The following PPARD variants were observed in gnomAD, a reference collection of about 807,000 sequenced individuals.
The protein encoded by PPARD is peroxisome proliferator activated receptor delta, also known as peroxisome proliferator-activated receptor delta.
In PPARD, 6 loss-of-function variants were observed where a neutral mutation model predicts 39.5. That is an observed-to-expected ratio of 0.15 (90% CI 0.08 to 0.30). The LOEUF is 0.30. PPARD is among the 10% of genes least tolerant of loss of function. The pLI, the probability that PPARD is intolerant of heterozygous loss-of-function variation, is 1.00. For synonymous variants in PPARD, 210 were observed against 231.3 expected (o/e 0.91, Z 0.83); for missense variants, 397 against 596.8 (o/e 0.67, Z 3.49).
chr6:35,419,763 CTCTG>C (rs1319754009), intron 3 of PPARD, among the ~76,000 whole-genome samples: 2 of 152,166 alleles, frequency 1.3e-5, no homozygotes, highest in Admixed American at 1.3e-4. Flanking sequence ...GGCTAAGACC[CTCTG>C]TCTGCTTTCT....
chr6:35,354,071 AAAT>A (rs1761415336), intron 2 of PPARD, among the ~76,000 whole-genome samples: 5 of 151,722 alleles, frequency 3.3e-5, no homozygotes, highest in Admixed American at 3.3e-4. Context: ...TCTCTACTAA[AAAT>A]ACAAAAAATT....
At chr6:35,408,505 T>C (rs765854871) in intron 2 of PPARD, among the ~76,000 whole-genome samples, 6 of 152,196 alleles carry the variant, frequency 3.9e-5, no homozygotes, top group Non-Finnish European at 7.3e-5. Flanking sequence ...GCTTCTCAAG[T>C]TTAACACCCA....
intron 2 of PPARD, among the ~76,000 whole-genome samples, chr6:35,393,140 G>A (rs1165482953): frequency 6.6e-6 from 1 of 152,174 alleles, no homozygotes; most frequent in African/African-American, 2.4e-5. Context: ...TGCTGTATGG[G>A]CCCTGTGGGG....
chr6:35,383,820 A>C (rs1393085812), intron 2 of PPARD, among the ~76,000 whole-genome samples: 1 of 134,572 alleles, frequency 7.4e-6, no homozygotes, highest in African/African-American at 3.1e-5. Context: ...AAGTGAGGAG[A>C]CCCTCCACCC....
intron 1 of PPARD, among the ~76,000 whole-genome samples, chr6:35,346,592 T>G (rs1292067776): frequency 6.6e-6 from 1 of 152,212 alleles, no homozygotes; most frequent in Non-Finnish European, 1.5e-5. Flanking sequence ...GGAGCTTGCC[T>G]TGAGCCTGGC....
intron 3 of PPARD, among the ~76,000 whole-genome samples, chr6:35,415,752 G>T (rs1038929362): frequency 6.8e-6 from 1 of 146,048 alleles, no homozygotes; most frequent in Non-Finnish European, 1.5e-5. Flanking sequence ...CACTGTATTA[G>T]TCAGGGTTCT....
intron 2 of PPARD, among the ~76,000 whole-genome samples, chr6:35,399,388 A>AG (rs1396036479): frequency 1.9e-5 from 2 of 106,498 alleles, no homozygotes. Context: ...CGACAAAGTG[A>AG]GACTCTGTCT....
intron 1 of PPARD, among the ~76,000 whole-genome samples, chr6:35,346,121 T>C (rs1792168909): frequency 6.6e-6 from 1 of 152,098 alleles, no homozygotes; most frequent in Non-Finnish European, 1.5e-5. Flanking sequence ...CCTCGTGATC[T>C]GCCCGCCTCA....
chr6:35,356,755 C>G (rs1253914621), intron 2 of PPARD, among the ~76,000 whole-genome samples: 1 of 152,198 alleles, frequency 6.6e-6, no homozygotes, highest in Admixed American at 6.5e-5. Context: ...GGCAAAATCA[C>G]CCCTGGTTGA....
intron 1 of PPARD, among the ~76,000 whole-genome samples, chr6:35,343,048 A>G (rs938628664): frequency 6.6e-6 from 1 of 151,228 alleles, no homozygotes; most frequent in Non-Finnish European, 1.5e-5. Context: ...GGCCTCTCCC[A>G]TTCCCCTCCC....
At chr6:35,356,164 C>T (rs1582286448) in intron 2 of PPARD, among the ~76,000 whole-genome samples, 1 of 152,106 alleles carries the variant, frequency 6.6e-6, no homozygotes, top group East Asian at 1.9e-4. Flanking sequence ...AAGTTCACTT[C>T]CATATCATGA....
chr6:35,363,255 G>A lies in PPARD; in HGVS notation c.-102+16105G>A, dbSNP rs1291954863. On this transcript the variant is annotated intron_variant, in intron 2 of 7. Transcript: ENST00000360694. This position sits in a 1 kb window ranked among gnomAD's most constrained non-coding sequence, Gnocchi z 4.5. ...GGTCTTTTCTGGGCCACTTTGGCCT[G>A]CACACAGGTTGGGCTAGGAATTCAT... is the stretch of plus-strand genomic sequence containing the variant. Among the ~76,000 whole-genome samples, 4 of 152,178 alleles carry A rather than the reference G, an allele frequency of 2.6e-5. No individual in the cohort carries two copies. Among genetic ancestry groups the A allele is most frequent in the Non-Finnish European group, 5.9e-5 (4 of 68,040 alleles).
chr6:35,413,562 A>C (rs574585839), intron 3 of PPARD, among the ~76,000 whole-genome samples: 1 of 152,222 alleles, frequency 6.6e-6, no homozygotes, highest in South Asian at 2.1e-4. Flanking sequence ...AGTCTAACCA[A>C]CTCAAAGAAA....
intron 2 of PPARD, among the ~76,000 whole-genome samples, chr6:35,369,079 A>G (rs1762349958): frequency 6.6e-6 from 1 of 152,184 alleles, no homozygotes; most frequent in Non-Finnish European, 1.5e-5. Context: ...AACCCTGGAT[A>G]ATTTGGTTTG....
At chr6:35,351,476 T>C (rs56987668) in intron 2 of PPARD, among the ~76,000 whole-genome samples, 11,314 of 152,288 alleles carry the variant, frequency 0.074, 774 homozygotes, top group African/African-American at 0.18. Flanking sequence ...GGGCTCACAG[T>C]GGTCAATACA....
At chr6:35,416,806 A>G (rs950032498) in intron 3 of PPARD, among the ~76,000 whole-genome samples, 1 of 152,090 alleles carries the variant, frequency 6.6e-6, no homozygotes, top group Non-Finnish European at 1.5e-5. Context: ...TCCTTCCAAT[A>G]TCCTGCACTT....
chr6:35,349,011 C>G, intron 2 of PPARD: 1 of 977,034 alleles, frequency 1.0e-6, no homozygotes, highest in Non-Finnish European at 1.2e-6. Context: ...CAGGTAGGAA[C>G]TTCTCTTCTC....
chr6:35,409,270 C>G (rs969725627), intron 2 of PPARD, among the ~76,000 whole-genome samples: 2 of 151,910 alleles, frequency 1.3e-5, no homozygotes, highest in African/African-American at 4.8e-5. Context: ...CTTGGTAGGC[C>G]AAGGTGGGCA....
intron 2 of PPARD, among the ~76,000 whole-genome samples, chr6:35,407,627 C>T (rs1418015752): frequency 7.9e-5 from 12 of 151,538 alleles, no homozygotes; most frequent in Admixed American, 6.6e-4. Flanking sequence ...CTAACCTGCA[C>T]ATTGTGCACA....
Sources: allele counts gnomAD v4.1 joint callset (sites outside exome capture counted in the v4.1 genomes callset), GRCh38; gene constraint gnomAD v4.1.1; non-coding constraint Gnocchi (gnomAD v3.1); transcripts MANE v1.5; gene names NCBI Gene and HGNC (gene_info 2026-07-23, HGNC 2026-07-21).